Variants in SLC5A4 observed in about 807,000 individuals in gnomAD.
The protein encoded by SLC5A4 is solute carrier family 5 member 4, also known as probable glucose sensor protein SLC5A4.
SLC5A4 carries 55 observed loss-of-function variants against 70.3 expected under a neutral mutation model. That is an observed-to-expected ratio of 0.78 (90% CI 0.63 to 0.98). The LOEUF (loss-of-function observed/expected upper bound fraction) is 0.98. Ranked by LOEUF, SLC5A4 falls within the 50% of genes least tolerant of loss-of-function variation. The pLI, the probability that SLC5A4 is intolerant of heterozygous loss-of-function variation, is 0.00. For missense variants in SLC5A4, 735 were observed against 839.2 expected, an observed-to-expected ratio of 0.88 and a Z score of 1.53; for synonymous variants, 268 against 305.7, an observed-to-expected ratio of 0.88 and a Z score of 1.29.
the SLC5A4 span, among the ~76,000 whole-genome samples, chr22:32,265,383 G>A: frequency 1.3e-5 from 2 of 151,910 alleles, no homozygotes; most frequent in East Asian, 3.9e-4. Flanking sequence ...GCAAGACCCT[G>A]TCTCAAGAAA....
the SLC5A4 span, chr22:32,270,244 A>G: frequency 1.4e-6 from 1 of 705,254 alleles, no homozygotes; most frequent in African/African-American, 1.7e-5. Context: ...CAATGCTGCC[A>G]TGGGTGAGCC....
the SLC5A4 span, among the ~76,000 whole-genome samples, chr22:32,318,136 T>C: frequency 6.6e-6 from 1 of 151,998 alleles, no homozygotes; most frequent in Non-Finnish European, 1.5e-5. Flanking sequence ...CTCCAGCCCC[T>C]TGTTGGTCCG....
At chr22:32,350,936 G>T in the SLC5A4 span, among the ~76,000 whole-genome samples, 9 of 151,626 alleles carry the variant, frequency 5.9e-5, no homozygotes, top group Non-Finnish European at 1.2e-4. Context: ...AACAAAGGTA[G>T]TAACATTAGG....
chr22:32,290,776 A>G, the SLC5A4 span, among the ~76,000 whole-genome samples: 2 of 152,142 alleles, frequency 1.3e-5, no homozygotes, highest in South Asian at 4.1e-4. Context: ...TTCACATGAT[A>G]GAAGAGATGG....
rs138083226 is a variant in SLC5A4, at chr22:32,247,438, G to A, written c.450C>T (p.Leu150=). 1,744 of 1,613,222 alleles carry A rather than the reference G, an allele frequency of 1.1e-3. 15 individuals carry two copies. The East Asian group carries it at 0.014, about 13-fold the overall frequency. ...AAATTAACAAAACCACACAGATGAA[G>A]AGGGAGAGGATGGAGAGGTAGACCT... ...RLQVYLSILS[L]FICVVLLISA... Residue 150 remains leucine (L), a synonymous_variant, in exon 5 of 15, where the codon CTC becomes CTT. Transcript: ENST00000266086.
At chr22:32,220,089 C>T (rs1924992736) in intron 14 of SLC5A4, among the ~76,000 whole-genome samples, 1 of 151,220 alleles carries the variant, frequency 6.6e-6, no homozygotes, top group Admixed American at 6.6e-5. Flanking sequence ...GGCAAAATAC[C>T]AAAATTCAAT....
At position 32,224,458 on chromosome 22, in the gene SLC5A4, C is replaced by T; in HGVS notation, c.1474G>A (p.Gly492Arg). The T allele has an allele frequency of 6.2e-7, 1 of 1,613,834 alleles. No individual in the cohort carries two copies. Among genetic ancestry groups the T allele is most frequent in the Non-Finnish European group, 8.5e-7 (1 of 1,179,798 alleles). The change falls in exon 13 of 15, where the codon GGA (glycine) becomes AGA (arginine). Residue 492 changes from glycine to arginine, a missense_variant. Gly to Arg is a moderately radical substitution (Grantham distance 125, BLOSUM62 -2). Coordinates refer to ENST00000266086, the MANE Select transcript of SLC5A4 (RefSeq NM_014227.3). ...ATACGAATGAGGCCCATTGCAAGTC[C>T]AACCATTAGACCCCAGAATGCTCCC... Reference protein sequence around the residue: ...EQGAFWGLMVGLAMGLIRMIT... With the variant: ...EQGAFWGLMVRLAMGLIRMIT...
the SLC5A4 span, chr22:32,269,481 A>G: frequency 1.8e-6 from 1 of 549,752 alleles, no homozygotes; most frequent in Non-Finnish European, 3.5e-6. This position sits in a 1 kb window ranked among gnomAD's most constrained non-coding sequence, Gnocchi z 4.1. Flanking sequence ...TTCGAGCCCA[A>G]CCAGACCTGG....
chr22:32,224,984 T>C (rs1230502070), intron 12 of SLC5A4, among the ~76,000 whole-genome samples: 1 of 152,114 alleles, frequency 6.6e-6, no homozygotes, highest in Non-Finnish European at 1.5e-5. Context: ...TGCATGGAGA[T>C]TAATGGTATG....
chr22:32,241,801 GTGTATATATATCTGTA>G (rs1385331370), intron 5 of SLC5A4, among the ~76,000 whole-genome samples: 1 of 145,526 alleles, frequency 6.9e-6, no homozygotes, highest in Middle Eastern at 3.3e-3. Flanking sequence ...GTGTGTGTGT[GTGTATATATATCTGTA>G]TGTGTGTGTG....
At chr22:32,301,114 C>G in the SLC5A4 span, among the ~76,000 whole-genome samples, 2 of 152,158 alleles carry the variant, frequency 1.3e-5, no homozygotes, top group African/African-American at 2.4e-5. Context: ...AGGCGCCCAC[C>G]ACTGCGCCCG....
At chr22:32,221,051 A>G in intron 13 of SLC5A4, 29 bp from the exon 14 acceptor site, 1 of 1,388,024 alleles carries the variant, frequency 7.2e-7, no homozygotes, top group Non-Finnish European at 1.0e-6. Context: ...AAAGTGCATT[A>G]GTAATAGGCA....
chr22:32,310,535 A>G, the SLC5A4 span, among the ~76,000 whole-genome samples: 2 of 151,310 alleles, frequency 1.3e-5, no homozygotes, highest in Non-Finnish European at 2.9e-5. Flanking sequence ...GGGATTGCTC[A>G]TGTCAGGGGA....
chr22:32,256,439 A>G (rs1453442841), upstream of SLC5A4, among the ~76,000 whole-genome samples: 1 of 152,202 alleles, frequency 6.6e-6, no homozygotes, highest in African/African-American at 2.4e-5. Context: ...AAAATTTACC[A>G]TTTTAATCCC....
At chr22:32,270,685 C>A in the SLC5A4 span, 1 of 696,114 alleles carries the variant, frequency 1.4e-6, no homozygotes, top group Non-Finnish European at 2.7e-6. Context: ...GGGCATCCAC[C>A]TGCTGGAAGG....
the SLC5A4 span, among the ~76,000 whole-genome samples, chr22:32,340,957 G>A: frequency 2.6e-5 from 4 of 152,208 alleles, no homozygotes. Flanking sequence ...GGACAAGGAG[G>A]GCTGGTCTCA....
the SLC5A4 span, among the ~76,000 whole-genome samples, chr22:32,277,833 C>T: frequency 6.6e-6 from 1 of 152,216 alleles, no homozygotes; most frequent in African/African-American, 2.4e-5. Flanking sequence ...CAGGCGTGAG[C>T]CACCGCGCCC....
the SLC5A4 span, among the ~76,000 whole-genome samples, chr22:32,315,213 A>C: frequency 6.6e-6 from 1 of 151,760 alleles, no homozygotes; most frequent in African/African-American, 2.4e-5. Flanking sequence ...TGAGCACAGA[A>C]TTTGTGTAAC....
intron 14 of SLC5A4, among the ~76,000 whole-genome samples, chr22:32,219,719 A>G (rs1016528382): frequency 6.6e-6 from 1 of 151,634 alleles, no homozygotes; most frequent in African/African-American, 2.4e-5. Flanking sequence ...AATAGAAAAG[A>G]AGGAAAATAA....
Sources: gnomAD v4.1 joint callset for allele counts (sites outside exome capture counted in the v4.1 genomes callset) on GRCh38, gnomAD v4.1.1 for gene constraint, Gnocchi (gnomAD v3.1) non-coding constraint, MANE v1.5 for transcripts, NCBI Gene and HGNC (gene_info 2026-07-23, HGNC 2026-07-21) for gene names.